The following IL3RA variants were observed in gnomAD, a reference collection of about 807,000 sequenced individuals.
IL3RA encodes interleukin 3 receptor subunit alpha, also known as interleukin-3 receptor subunit alpha.
In IL3RA, 73 loss-of-function variants were observed where a neutral mutation model predicts 52.3. That is an observed-to-expected ratio of 1.40 (90% CI 1.16 to 1.70). The LOEUF (loss-of-function observed/expected upper bound fraction) is 1.70, where lower values mean the gene tolerates loss of function less well. IL3RA is among the 40% of genes most tolerant of loss of function. IL3RA has a pLI of 0.00. For missense variants in IL3RA, 664 were observed against 504.4 expected, an observed-to-expected ratio of 1.32 and a Z score of -3.03; for synonymous variants, 260 against 194.0, an observed-to-expected ratio of 1.34 and a Z score of -2.83.
chrX:1,341,101 G>A (rs1243466942), intron 1 of IL3RA, among the ~76,000 whole-genome samples: 7 of 151,396 alleles, frequency 4.6e-5, no homozygotes, highest in African/African-American at 1.7e-4. Flanking sequence ...TGGGCAACAA[G>A]AGCAAAACTC....
At chrX:1,362,577 TTCTCTC>T (rs758126221) in intron 8 of IL3RA, among the ~76,000 whole-genome samples, 1 of 150,768 alleles carries the variant, frequency 6.6e-6, no homozygotes, top group Non-Finnish European at 1.5e-5. Flanking sequence ...TTGTATCTCT[TTCTCTC>T]TCTCTGTCTC....
chrX:1,366,630 C>G (rs867220311), intron 9 of IL3RA, among the ~76,000 whole-genome samples: 47 of 4,350 alleles, frequency 0.011, no homozygotes, highest in Non-Finnish European at 0.014. Flanking sequence ...CGGGGTGAGC[C>G]GGGTGCGCGG....
chrX:1,338,965 A>C (rs1411970545), intron 1 of IL3RA, among the ~76,000 whole-genome samples: 2 of 151,984 alleles, frequency 1.3e-5, no homozygotes, highest in African/African-American at 4.8e-5. Context: ...ACGCCTGGCT[A>C]ATTTTTGTAT....
At chrX:1,363,120 C>T (rs760697682) in intron 8 of IL3RA, among the ~76,000 whole-genome samples, 1 of 151,364 alleles carries the variant, frequency 6.6e-6, no homozygotes, top group Admixed American at 6.6e-5. Context: ...CATTTAGGGC[C>T]CCCCCTGATC....
chrX:1,365,508 A>C (rs865776148), intron 9 of IL3RA, among the ~76,000 whole-genome samples: 5 of 17,654 alleles, frequency 2.8e-4, no homozygotes, highest in East Asian at 2.4e-3. Context: ...GAGCCGGGTG[A>C]GCGGGGTGCG....
chrX:1,348,696 C>G (rs867322537), intron 4 of IL3RA, 151 bp downstream of exon 4: 28,622 of 342,920 alleles, frequency 0.083, 2,079 homozygotes, highest in Middle Eastern at 0.11. Context: ...CTTTCTTTTT[C>G]TTTCTTTCTG....
chrX:1,367,023 C>A (rs868126731), intron 9 of IL3RA, among the ~76,000 whole-genome samples: 22 of 5,108 alleles, frequency 4.3e-3, no homozygotes, highest in Non-Finnish European at 5.4e-3. Flanking sequence ...GCGCGGGGTG[C>A]GCGGGGTGCG....
rs1446976208 is a variant in IL3RA at position 1,341,807 on chromosome X, C to G, written c.42C>G (p.Pro14=). Residue 14 remains proline (P), a synonymous_variant, in exon 2 of 12, where the codon CCC becomes CCG. Transcript: ENST00000331035. ...LWLTLLLIAL[P]CLLQTKEDPN... is the part of the protein sequence containing the mutation. ...TCACGCTGCTCCTGATCGCCCTGCC[C>G]TGTCTCCTGCAAACGAAGGAAGGTA... 1 of 1,613,958 alleles carries G rather than the reference C, an allele frequency of 6.2e-7. No homozygotes were observed. Among genetic ancestry groups the G allele is most frequent in the Non-Finnish European group, 8.5e-7 (1 of 1,179,858 alleles).
intron 11 of IL3RA, among the ~76,000 whole-genome samples, chrX:1,381,800 C>T (rs1315975239): frequency 6.6e-6 from 1 of 151,430 alleles, no homozygotes; most frequent in Non-Finnish European, 1.5e-5. Flanking sequence ...CCTCGGCCTC[C>T]CAAAGTGCTG....
rs768040459 is a variant in IL3RA at position 1,348,539 on chromosome X, G to C, written c.292G>C (p.Glu98Gln). 1.9e-6 allele frequency: 3 copies of C among 1,608,666 alleles called. No homozygotes were observed. The highest frequency in any genetic ancestry group is 1.7e-5 in the Admixed American group (1 of 59,930). ...PPFSTWILFP[E>Q]NSGKPWAGAE... ...ATTCTCCACGTGGATCCTCTTCCCTGAGAACAGTGAGAAAAATGTTCATTG... is the reference window on the plus strand; with the variant it reads ...ATTCTCCACGTGGATCCTCTTCCCTCAGAACAGTGAGAAAAATGTTCATTG... The change falls in exon 4 of 12, where the codon GAG becomes CAG. Residue 98 changes from glutamate to glutamine, a missense_variant. Physicochemically the swap from Glu to Gln is conservative, Grantham distance 29. Coordinates refer to ENST00000331035, the MANE Select transcript of IL3RA (RefSeq NM_002183.4).
At chrX:1,381,985 C>G (rs2089199141) in intron 11 of IL3RA, among the ~76,000 whole-genome samples, 1 of 151,634 alleles carries the variant, frequency 6.6e-6, no homozygotes, top group African/African-American at 2.4e-5. Context: ...TTGTTCGTTG[C>G]CCCGGCTGGA....
chrX:1,340,373 C>T (rs1357337849), intron 1 of IL3RA, among the ~76,000 whole-genome samples: 1 of 152,198 alleles, frequency 6.6e-6, no homozygotes, highest in Non-Finnish European at 1.5e-5. Context: ...ACCTCTGCTT[C>T]CCAAAGTGCT....
intron 3 of IL3RA, among the ~76,000 whole-genome samples, chrX:1,348,138 G>C (rs1322703510): frequency 6.6e-6 from 1 of 151,056 alleles, no homozygotes; most frequent in African/African-American, 2.5e-5. Flanking sequence ...CATGAGGTCA[G>C]GAGTTCGAGA....
chrX:1,364,686 C>T (rs2087770445), intron 8 of IL3RA, among the ~76,000 whole-genome samples: 1 of 151,794 alleles, frequency 6.6e-6, no homozygotes, highest in South Asian at 2.1e-4. Context: ...CTATGTTGCC[C>T]AGGCTGGTGT....
chrX:1,359,097 G>T (rs1237106318), intron 8 of IL3RA, among the ~76,000 whole-genome samples: 2 of 151,970 alleles, frequency 1.3e-5, no homozygotes, highest in African/African-American at 4.8e-5. Flanking sequence ...GCAAAATTGG[G>T]ATATTTCACA....
At chrX:1,348,690 CTT>C (rs878975237) in intron 4 of IL3RA, 145 bp downstream of exon 4, 156,534 of 480,068 alleles carry the variant, frequency 0.33, 31,357 homozygotes, top group Middle Eastern at 0.36. Flanking sequence ...TTCTTTCTTT[CTT>C]TTTCTTTCTT....
At position 1,352,194 on chromosome X, in the gene IL3RA, C is replaced by G. The variant is rs751241700; in HGVS notation, c.393C>G (p.Pro131=). 6.2e-7 allele frequency: 1 copy of G among 1,613,640 alleles called. No homozygotes were observed. The highest frequency in any genetic ancestry group is 1.3e-5 in the African/African-American group (1 of 74,932). ...GCTGGGCGGTAGGCCCGGGGGCCCC[C>G]GCGGACGTCCAGTACGACCTGTACT... The part of the protein sequence containing the change: ...SCSWAVGPGA[P]ADVQYDLYLN... The change falls in exon 5 of 12, where the codon CCC becomes CCG. Residue 131 remains proline (P), a synonymous_variant. Coordinates refer to ENST00000331035, the MANE Select transcript of IL3RA (RefSeq NM_002183.4).
chrX:1,356,137 G>GT, intron 6 of IL3RA, 84 bp from the exon 7 acceptor site: 1 of 862,660 alleles, frequency 1.2e-6, no homozygotes, highest in Non-Finnish European at 1.9e-6. Context: ...GTAATTTGAA[G>GT]TATCTCCAGA....
chrX:1,358,519 C>A (rs1367377728), intron 7 of IL3RA, among the ~76,000 whole-genome samples: 4 of 152,096 alleles, frequency 2.6e-5, no homozygotes, highest in Non-Finnish European at 4.4e-5. Flanking sequence ...ATTAGCCAGG[C>A]GTGGTGGCAC....
Sources: gnomAD v4.1 joint callset for allele counts (sites outside exome capture counted in the v4.1 genomes callset) on GRCh38, gnomAD v4.1.1 for gene constraint, MANE v1.5 for transcripts, NCBI Gene and HGNC (gene_info 2026-07-23, HGNC 2026-07-21) for gene names.